Variants in GAREM1 observed in about 807,000 individuals in gnomAD.
GAREM1 encodes the protein GRB2 associated regulator of MAPK1 subtype 1, also known as GRB2-associated and regulator of MAPK protein 1.
A neutral mutation model predicts 71.3 loss-of-function variants in GAREM1; 26 were observed. The ratio of observed to expected loss-of-function variants is 0.36; its 90% CI spans 0.27 to 0.51. The LOEUF is 0.51. GAREM1 is among the 20% of genes least tolerant of loss of function. The pLI is 0.95. For synonymous variants in GAREM1, 440 were observed against 433.2 expected, an observed-to-expected ratio of 1.02 and a Z score of -0.20; for missense variants, 1,026 against 1,103.1, an observed-to-expected ratio of 0.93 and a Z score of 0.99.
chr18:32,421,305 T>C (rs1415811372), intron 1 of GAREM1, among the ~76,000 whole-genome samples: 1 of 152,162 alleles, frequency 6.6e-6, no homozygotes, highest in Non-Finnish European at 1.5e-5. Context: ...TTGGCTAAAA[T>C]GATTGTCATT....
chr18:32,299,768 C>T (rs2047182007), intron 3 of GAREM1, among the ~76,000 whole-genome samples: 1 of 151,860 alleles, frequency 6.6e-6, no homozygotes, highest in Admixed American at 6.6e-5. Flanking sequence ...AACGTGATTG[C>T]CAATTTACAG....
chr18:32,387,544 CTA>C (rs1473362453), intron 2 of GAREM1, among the ~76,000 whole-genome samples: 1 of 152,172 alleles, frequency 6.6e-6, no homozygotes, highest in African/African-American at 2.4e-5. Context: ...TTTCTAAACA[CTA>C]TGTCAATTTT....
At chr18:32,321,364 CT>C (rs2047426399) in intron 2 of GAREM1, among the ~76,000 whole-genome samples, 1 of 152,148 alleles carries the variant, frequency 6.6e-6, no homozygotes, top group African/African-American at 2.4e-5. Flanking sequence ...AATATCGACC[CT>C]TTTAATGACA....
intron 1 of GAREM1, among the ~76,000 whole-genome samples, chr18:32,433,744 G>A (rs1415226386): frequency 2.6e-5 from 4 of 152,140 alleles, no homozygotes; most frequent in African/African-American, 7.2e-5. Flanking sequence ...ATAAAAATAT[G>A]TACAGAATCT....
intron 2 of GAREM1, among the ~76,000 whole-genome samples, chr18:32,359,842 C>T (rs1567978561): frequency 4.6e-5 from 7 of 152,136 alleles, no homozygotes. Flanking sequence ...CAGAGGATGG[C>T]TGGAGCCCAG....
chr18:32,364,026 A>ATTTTTTTT (rs1336753011), intron 2 of GAREM1, among the ~76,000 whole-genome samples: 2 of 46,418 alleles, frequency 4.3e-5, no homozygotes, highest in African/African-American at 3.3e-4. Flanking sequence ...ATATATATAT[A>ATTTTTTTT]TGTTTTTTTT....
At chr18:32,313,221 C>T (rs77536779) in intron 2 of GAREM1, among the ~76,000 whole-genome samples, 1 of 152,048 alleles carries the variant, frequency 6.6e-6, no homozygotes, top group Non-Finnish European at 1.5e-5. Flanking sequence ...AATTATGCCA[C>T]CTGAACATGG....
At chr18:32,466,867 T>C (rs1416309297) in intron 1 of GAREM1, among the ~76,000 whole-genome samples, 1 of 152,168 alleles carries the variant, frequency 6.6e-6, no homozygotes, top group East Asian at 1.9e-4. Context: ...CCAAGGAGAA[T>C]TGCTAGAGTA....
At chr18:32,348,350 G>T (rs573456723) in intron 2 of GAREM1, among the ~76,000 whole-genome samples, 34 of 152,272 alleles carry the variant, frequency 2.2e-4, no homozygotes, top group African/African-American at 7.9e-4. Flanking sequence ...GAAAACTGTA[G>T]CTCACATTAT....
chr18:32,322,237 G>A (rs1373315212), intron 2 of GAREM1, among the ~76,000 whole-genome samples: 1 of 152,172 alleles, frequency 6.6e-6, no homozygotes, highest in Non-Finnish European at 1.5e-5. Context: ...TAACCCTACA[G>A]GTTAGCTTCT....
intron 2 of GAREM1, among the ~76,000 whole-genome samples, chr18:32,346,279 C>T (rs1175944422): frequency 6.6e-6 from 1 of 151,994 alleles, no homozygotes; most frequent in Admixed American, 6.5e-5. Context: ...ATAAACATAA[C>T]TGAAAAAGGC....
At chr18:32,270,897 G>GTTTTTTTTTTTTTTTTTTTTTTTTTT (rs58914123) in intron 4 of GAREM1, among the ~76,000 whole-genome samples, 1 of 92,596 alleles carries the variant, frequency 1.1e-5, no homozygotes. Context: ...GTTCAGGGAT[G>GTTTTTTTTTTTTTTTTTTTTTTTTTT]TTTTTTTTTT....
In GAREM1 at chr18:32,302,785, G is replaced by A. The variant is rs183024701; in HGVS notation, c.393+7408C>T. ...GGGGAAACTGAGAGGTGATGGAAAT[G>A]TTAATTAGCTTGATTCAATCATTCC... is the stretch of plus-strand genomic sequence containing the variant. On this transcript the variant is annotated intron_variant, in intron 3 of 5. Coordinates refer to ENST00000269209, the MANE Select transcript of GAREM1 (RefSeq NM_001242409.2). 2.6e-5 allele frequency among the ~76,000 whole-genome samples: 4 copies of A among 152,292 alleles called. No homozygotes were observed. The East Asian group carries it at 7.7e-4, about 29-fold the overall frequency.
At chr18:32,464,989 A>C (rs2048985543) in intron 1 of GAREM1, among the ~76,000 whole-genome samples, 1 of 152,196 alleles carries the variant, frequency 6.6e-6, no homozygotes, top group African/African-American at 2.4e-5. Flanking sequence ...GGGCAAGTAT[A>C]ACGTCTAGTT....
intron 1 of GAREM1, among the ~76,000 whole-genome samples, chr18:32,405,238 A>G (rs1199478421): frequency 6.6e-6 from 1 of 151,660 alleles, no homozygotes; most frequent in Non-Finnish European, 1.5e-5. Flanking sequence ...TCGCTCTATC[A>G]CCCAGGCTCA....
At chr18:32,382,325 G>T (rs2048105206) in intron 2 of GAREM1, among the ~76,000 whole-genome samples, 1 of 152,096 alleles carries the variant, frequency 6.6e-6, no homozygotes, top group African/African-American at 2.4e-5. Context: ...TGAAGAAGGT[G>T]GTAAAAATGA....
chr18:32,440,561 G>A (rs1029432430), intron 1 of GAREM1, among the ~76,000 whole-genome samples: 1 of 152,170 alleles, frequency 6.6e-6, no homozygotes, highest in Non-Finnish European at 1.5e-5. Flanking sequence ...TCCTTTAAGA[G>A]TACAATACTA....
At chr18:32,352,114 A>G (rs1239988570) in intron 2 of GAREM1, among the ~76,000 whole-genome samples, 1 of 152,214 alleles carries the variant, frequency 6.6e-6, no homozygotes, top group Non-Finnish European at 1.5e-5. Context: ...GAGCCACTAC[A>G]GGATACACCA....
At chr18:32,418,400 AG>A (rs2048485230) in intron 1 of GAREM1, among the ~76,000 whole-genome samples, 1 of 152,120 alleles carries the variant, frequency 6.6e-6, no homozygotes. Context: ...TCTCTGTTCT[AG>A]GGCTCAATTC....
Sources: gnomAD v4.1 joint callset for allele counts (sites outside exome capture counted in the v4.1 genomes callset) on GRCh38, gnomAD v4.1.1 for gene constraint, MANE v1.5 for transcripts, NCBI Gene and HGNC (gene_info 2026-07-23, HGNC 2026-07-21) for gene names.